The following RELB variants were observed in gnomAD, a reference collection of about 807,000 sequenced individuals.
The protein encoded by RELB is transcription factor RelB.
A neutral mutation model predicts 55.4 loss-of-function variants in RELB; 14 were observed. The observed-to-expected ratio is 0.25, with a 90% CI of 0.17 to 0.40. The LOEUF (loss-of-function observed/expected upper bound fraction) is 0.40, where lower values mean the gene tolerates loss of function less well. Among genes scored for constraint, RELB ranks in the 10% least tolerant of loss-of-function variants. The pLI is 1.00. For missense variants in RELB, 669 were observed against 830.7 expected (o/e 0.81, Z 2.39); for synonymous variants, 409 against 371.3 (o/e 1.10, Z -1.17).
At chr19:45,023,213 T>C (rs1442739044) in intron 5 of RELB, among the ~76,000 whole-genome samples, 1 of 152,112 alleles carries the variant, frequency 6.6e-6, no homozygotes, top group African/African-American at 2.4e-5. Context: ...CAGGAAATAT[T>C]TGTGGAATGA....
At position 45,037,708 on chromosome 19, in the gene RELB, T is replaced by C; in HGVS notation, c.1658T>C (p.Val553Ala). The C allele has an allele frequency of 6.5e-7, 1 of 1,543,102 alleles. No individual in the cohort carries two copies. The highest frequency in any genetic ancestry group is 1.2e-5 in the South Asian group (1 of 82,454). Residue 553 changes from valine to alanine, a missense_variant, in exon 12 of 12, where the codon GTG becomes GCG. Physicochemically the swap from Val to Ala is moderately conservative, Grantham distance 64. Coordinates refer to ENST00000221452, the MANE Select transcript of RELB (RefSeq NM_006509.4). ...GPGDGGTASL[V>A]GSNMFPNHYR... ...GGGGATGGAGGCACCGCCAGCCTTGTGGGCAGCAACATGTTCCCCAATCAT... is the reference window on the plus strand; with the variant it reads ...GGGGATGGAGGCACCGCCAGCCTTGCGGGCAGCAACATGTTCCCCAATCAT...
chr19:45,017,603 T>C (rs915704058), intron 4 of RELB, among the ~76,000 whole-genome samples: 1 of 152,036 alleles, frequency 6.6e-6, no homozygotes, highest in Non-Finnish European at 1.5e-5. Flanking sequence ...TGAGGTATAA[T>C]TGATGTAAGA....
At chr19:45,016,009 T>A (rs35120208) in intron 4 of RELB, among the ~76,000 whole-genome samples, 1,739 of 152,046 alleles carry the variant, frequency 0.011, 34 homozygotes, top group African/African-American at 0.038. Flanking sequence ...TATTATTATT[T>A]TTTTTTTGAG....
At chr19:45,031,636 T>C (rs546207193) in intron 8 of RELB, among the ~76,000 whole-genome samples, 3 of 151,960 alleles carry the variant, frequency 2.0e-5, no homozygotes, top group South Asian at 4.2e-4. Context: ...AGTGCAGTGG[T>C]GCGATCTTGG....
At position 45,028,998 on chromosome 19, in the gene RELB, G is replaced by A; in HGVS notation, c.991+6G>A. On this transcript the variant is annotated splice_donor_region_variant and intron_variant, in intron 8 of 11. Transcript: ENST00000221452. ...CTGCGACAAGGTGCAGAAAGGTGAG[G>A]GGCCTGGGGCAGCAAGCTTGGGCAG... is the stretch of plus-strand genomic sequence containing the variant. 1 of 1,567,920 alleles carries A rather than the reference G, an allele frequency of 6.4e-7. No homozygotes were observed. The highest frequency in any genetic ancestry group is 2.4e-5 in the East Asian group (1 of 42,422).
intron 3 of RELB, among the ~76,000 whole-genome samples, chr19:45,010,550 C>T (rs544687823): frequency 6.6e-6 from 1 of 152,072 alleles, no homozygotes; most frequent in African/African-American, 2.4e-5. Context: ...CTGGAGAAGA[C>T]ACATTAGGTT....
chr19:45,004,666 T>G (rs973042655), intron 2 of RELB, among the ~76,000 whole-genome samples: 1 of 150,658 alleles, frequency 6.6e-6, no homozygotes, highest in Non-Finnish European at 1.5e-5. Flanking sequence ...TCGGGAGTTC[T>G]AGACCAGGCT....
intron 8 of RELB, among the ~76,000 whole-genome samples, chr19:45,032,102 T>G (rs961068793): frequency 2.0e-4 from 31 of 151,374 alleles, no homozygotes; most frequent in African/African-American, 1.9e-4. Flanking sequence ...TGGGCGTGGT[T>G]GCACATGCCT....
chr19:45,002,493 C>G (rs1971225814), intron 1 of RELB, among the ~76,000 whole-genome samples: 2 of 152,172 alleles, frequency 1.3e-5, no homozygotes, highest in Admixed American at 1.3e-4. Flanking sequence ...GCTGGAATTA[C>G]AGGTGCCCGC....
At chr19:45,020,225 CTTTT>C (rs1165992006) in intron 4 of RELB, among the ~76,000 whole-genome samples, 3 of 144,408 alleles carry the variant, frequency 2.1e-5, no homozygotes, top group African/African-American at 7.6e-5. Context: ...CTCTCTCTCT[CTTTT>C]TTTTTTTTTC....
chr19:45,037,634 C>G lies in RELB; in HGVS notation c.1584C>G (p.Thr528=), dbSNP rs762625597. ...SGGAGAVVGE[T]PGPEPLTLDS... ...GTGCCGGGGCCGTGGTTGGGGAGAC[C>G]CCCGGCCCTGAACCACTGACACTGG... is the stretch of plus-strand genomic sequence containing the variant. Residue 528 remains threonine (T), a synonymous_variant, in exon 12 of 12, where the codon ACC becomes ACG. Coordinates refer to ENST00000221452, the MANE Select transcript of RELB (RefSeq NM_006509.4). The G allele has an allele frequency of 2.5e-6, 4 of 1,600,844 alleles. No homozygotes were observed. The highest frequency in any genetic ancestry group is 3.4e-6 in the Non-Finnish European group (4 of 1,174,552).
Position 45,012,142 on chromosome 19 carries a change from C to T in RELB, c.370C>T (p.Gln124Ter). The change falls in exon 4 of 12, where the codon CAG (glutamine) becomes TAG (stop). Residue 124 changes from glutamine to a stop codon, truncating the protein, a stop_gained. Coordinates refer to ENST00000221452, the MANE Select transcript of RELB (RefSeq NM_006509.4). LOFTEE classifies it high-confidence loss of function. ...LVSPAPGPGPQPHLVITEQPK... is the reference protein window; with the variant it reads ...LVSPAPGPGP ...GTCCCCAGCGCCGGGCCCGGGCCCG[C>T]AGCCGCACCTGGTCATCACGGAGCA... 1 of 1,560,532 alleles carries T rather than the reference C, an allele frequency of 6.4e-7. No homozygotes were observed.
Position 45,012,300 on chromosome 19 carries a change from G to A in RELB, c.504+24G>A. 4 of 1,363,902 alleles carry A rather than the reference G, an allele frequency of 2.9e-6. No homozygotes were observed. The Admixed American group carries it at 1.4e-4, about 46-fold the overall frequency. 84.5% of individuals were successfully genotyped at this position (1,363,902 alleles called of 1,614,324 possible). On this transcript the variant is annotated intron_variant, in intron 4 of 11. Coordinates refer to ENST00000221452, the MANE Select transcript of RELB (RefSeq NM_006509.4). ...AGGTGGGCCCGGCGAGCGGCCCCGG[G>A]CGGGTGGGACTGGGGCTTCCCCTGC...
At chr19:45,006,190 A>G (rs1406066433) in intron 2 of RELB, among the ~76,000 whole-genome samples, 1 of 152,210 alleles carries the variant, frequency 6.6e-6, no homozygotes, top group African/African-American at 2.4e-5. Context: ...CTAGTGAGAT[A>G]GAATGGGAAG....
chr19:45,013,384 G>T (rs528979558), intron 4 of RELB, among the ~76,000 whole-genome samples: 9 of 152,062 alleles, frequency 5.9e-5, no homozygotes, highest in African/African-American at 1.9e-4. Flanking sequence ...CAAGTGATCC[G>T]CATGCCTTGG....
chr19:45,003,906 G>GTTTTTTT (rs1568395564), intron 2 of RELB, among the ~76,000 whole-genome samples: 15 of 62,538 alleles, frequency 2.4e-4, no homozygotes, highest in African/African-American at 8.2e-4. Context: ...TTTTTTGTCT[G>GTTTTTTT]TTTTTTGTGT....
At chr19:45,028,576 C>T (rs1376915929) in intron 7 of RELB, among the ~76,000 whole-genome samples, 2 of 151,988 alleles carry the variant, frequency 1.3e-5, no homozygotes, top group East Asian at 3.9e-4. Flanking sequence ...TCAAGTGATC[C>T]ACCTGCCTCG....
rs545808179 is a variant in RELB, at chr19:45,032,430, T to A, written c.992-104T>A. 197 of 983,870 alleles carry A rather than the reference T, an allele frequency of 2.0e-4. 4 individuals carry two copies. Among genetic ancestry groups the A allele is most frequent in the South Asian group, 1.0e-3 (65 of 63,210 alleles). 60.9% of individuals were successfully genotyped at this position (983,870 alleles called of 1,614,324 possible). ...CAAGACTCTCAAAAAAAAAAAATTTTAAAAAGGGGGAATATTAGTCTTGAT... is the reference window on the plus strand; with the variant it reads ...CAAGACTCTCAAAAAAAAAAAATTTAAAAAAGGGGGAATATTAGTCTTGAT... On this transcript the variant is annotated intron_variant, in intron 8 of 11. Transcript: ENST00000221452.
rs1199379816 is a variant in RELB at position 45,011,787 on chromosome 19, TGTGTGTGTGTGAGAGAGAGAGAGAGAGA to T, written c.164-147_164-120del. 8.4e-4 allele frequency: 282 copies of T among 334,022 alleles called. 1 individual carries two copies. In the East Asian group the frequency reaches 0.016, roughly 18 times the overall value. 20.7% of individuals were successfully genotyped at this position (334,022 alleles called of 1,614,324 possible). ...GTGTGTGTGTGTGTGTGTGTGTGTG[TGTGTGTGTGTGAGAGAGAGAGAGAGAGA>T]GAGAGAGAGAGAGAGAGAGATAAAT... On this transcript the variant is annotated intron_variant, in intron 3 of 11. Coordinates refer to ENST00000221452, the MANE Select transcript of RELB (RefSeq NM_006509.4).
Sources: allele counts gnomAD v4.1 joint callset (sites outside exome capture counted in the v4.1 genomes callset), GRCh38; gene constraint gnomAD v4.1.1; transcripts MANE v1.5; gene names NCBI Gene and HGNC (gene_info 2026-07-23, HGNC 2026-07-21).